The following NFIB variants were observed in gnomAD, a reference collection of about 807,000 sequenced individuals.
NFIB encodes nuclear factor I B.
NFIB carries 11 observed loss-of-function variants against 61.5 expected under a neutral mutation model. That is an observed-to-expected ratio of 0.18 (90% CI 0.11 to 0.30). The LOEUF is 0.30. NFIB is among the 10% of genes least tolerant of loss of function. The pLI is 1.00. For missense variants in NFIB, 471 were observed against 608.9 expected (o/e 0.77, Z 2.38); for synonymous variants, 260 against 216.5 (o/e 1.20, Z -1.76).
At chr9:14,338,864 C>G (rs2060916433) in intron 1 of NFIB, among the ~76,000 whole-genome samples, 1 of 151,492 alleles carries the variant, frequency 6.6e-6, no homozygotes, top group African/African-American at 2.4e-5. Flanking sequence ...CCCCTTGGAT[C>G]CCCCTCCCTT....
chr9:14,501,850 G>A, the NFIB span, among the ~76,000 whole-genome samples: 1 of 152,190 alleles, frequency 6.6e-6, no homozygotes, highest in Non-Finnish European at 1.5e-5. Context: ...GGAGTTGGAG[G>A]CTCCTGGGTG....
rs994201865 is a variant in NFIB at position 14,343,886 on chromosome 9, T to C, written c.109-36366A>G. 3.3e-5 allele frequency among the ~76,000 whole-genome samples: 5 copies of C among 151,808 alleles called. No homozygotes were observed. The South Asian group carries it at 8.3e-4, about 25-fold the overall frequency. Reference sequence around the variant, plus strand: ...TAGAAAGAGAGCAAAGAACTGAACATGAAGAATGGTTAAAAACTGAAGTGC... The same window carrying C: ...TAGAAAGAGAGCAAAGAACTGAACACGAAGAATGGTTAAAAACTGAAGTGC... On this transcript the variant is annotated intron_variant, in intron 1 of 8. Coordinates refer to the NFIB transcript ENST00000380934.
At chr9:14,485,037 C>T in the NFIB span, among the ~76,000 whole-genome samples, 2 of 152,088 alleles carry the variant, frequency 1.3e-5, no homozygotes, top group African/African-American at 4.8e-5. Flanking sequence ...TGATTGATTC[C>T]TTCCTCTTAT....
chr9:14,445,633 A>G, the NFIB span, among the ~76,000 whole-genome samples: 7 of 152,114 alleles, frequency 4.6e-5, no homozygotes, highest in Admixed American at 3.9e-4. Flanking sequence ...ACAAGTTTTA[A>G]TTTTCAAATA....
At chr9:14,418,590 G>A in the NFIB span, among the ~76,000 whole-genome samples, 2 of 152,180 alleles carry the variant, frequency 1.3e-5, no homozygotes, top group African/African-American at 2.4e-5. Flanking sequence ...CAGAGTCTGC[G>A]TGTGAGCCCT....
chr9:14,255,886 C>A (rs1587959304), intron 2 of NFIB, among the ~76,000 whole-genome samples: 2 of 152,214 alleles, frequency 1.3e-5, no homozygotes, highest in East Asian at 3.8e-4. Flanking sequence ...AATCCACACA[C>A]TATGCTAGCA....
chr9:14,461,444 A>G, the NFIB span, among the ~76,000 whole-genome samples: 1 of 152,212 alleles, frequency 6.6e-6, no homozygotes, highest in Non-Finnish European at 1.5e-5. Flanking sequence ...CTCTCTGCCA[A>G]GCCTCATCTT....
intron 7 of NFIB, among the ~76,000 whole-genome samples, chr9:14,122,101 GA>G (rs398040365): frequency 4.6e-5 from 3 of 65,496 alleles, no homozygotes; most frequent in South Asian, 6.2e-4. Flanking sequence ...TAAAGAATAT[GA>G]AAAAAAATAA....
intron 2 of NFIB, among the ~76,000 whole-genome samples, chr9:14,182,312 A>G (rs2046870556): frequency 6.6e-6 from 1 of 152,214 alleles, no homozygotes; most frequent in Non-Finnish European, 1.5e-5. Flanking sequence ...AGACTCCTTC[A>G]TATGCCAAAG....
At chr9:14,407,373 T>C in the NFIB span, among the ~76,000 whole-genome samples, 1 of 152,178 alleles carries the variant, frequency 6.6e-6, no homozygotes, top group East Asian at 1.9e-4. Flanking sequence ...GCCAGTTATT[T>C]AGCATTGTCT....
chr9:14,129,655 G>C (rs981539432), intron 6 of NFIB, among the ~76,000 whole-genome samples: 1 of 151,988 alleles, frequency 6.6e-6, no homozygotes, highest in Non-Finnish European at 1.5e-5. Context: ...TGAATATATA[G>C]AAAAGATACT....
chr9:14,257,560 G>A (rs1182852538), intron 2 of NFIB, among the ~76,000 whole-genome samples: 1 of 152,150 alleles, frequency 6.6e-6, no homozygotes, highest in Non-Finnish European at 1.5e-5. Context: ...TTTGAGACCA[G>A]CCTGGCCAAC....
chr9:14,494,278 C>T, the NFIB span, among the ~76,000 whole-genome samples: 1 of 152,174 alleles, frequency 6.6e-6, no homozygotes, highest in Non-Finnish European at 1.5e-5. Flanking sequence ...CAATCTTATA[C>T]TTGATTCAAC....
At chr9:14,197,035 C>T (rs1458049503) in intron 2 of NFIB, among the ~76,000 whole-genome samples, 1 of 152,186 alleles carries the variant, frequency 6.6e-6, no homozygotes, top group Non-Finnish European at 1.5e-5. Context: ...CTCTTTCTTA[C>T]CTTCCATTTG....
chr9:14,117,436 T>C (rs2038305343), intron 8 of NFIB, among the ~76,000 whole-genome samples: 1 of 152,150 alleles, frequency 6.6e-6, no homozygotes, highest in Non-Finnish European at 1.5e-5. Flanking sequence ...CATCGCAATT[T>C]GCTGGGAGGC....
rs200643836 is a variant in NFIB at position 14,120,411 on chromosome 9, G to A, written c.1245+29C>T. The A allele has an allele frequency of 8.7e-5, 140 of 1,607,320 alleles. No homozygotes were observed. In the East Asian group the frequency reaches 3.1e-3, roughly 35 times the overall value. On this transcript the variant is annotated intron_variant, in intron 8 of 10. Coordinates refer to ENST00000380953, the MANE Select transcript of NFIB (RefSeq NM_001190737.2). The surrounding 1 kb of genome is among the most constrained non-coding windows in gnomAD (Gnocchi z 4.4). ...TAGATCTGTCCCATCTCCCTTAGGT[G>A]CTAATCTTATTTTCTCTCTTATTTT...
At chr9:14,326,287 C>A (rs182385120) in intron 1 of NFIB, among the ~76,000 whole-genome samples, 1 of 152,308 alleles carries the variant, frequency 6.6e-6, no homozygotes, top group Admixed American at 6.5e-5. Flanking sequence ...ACCATTCCTA[C>A]AAGACATAGT....
intron 10 of NFIB, among the ~76,000 whole-genome samples, chr9:14,105,653 C>G (rs1321671523): frequency 6.6e-6 from 1 of 152,064 alleles, no homozygotes; most frequent in Non-Finnish European, 1.5e-5. Context: ...ATAGAAATCA[C>G]TTATTCACCA....
chr9:14,360,947 A>T (rs1248293735), intron 1 of NFIB, among the ~76,000 whole-genome samples: 2 of 152,158 alleles, frequency 1.3e-5, no homozygotes, highest in African/African-American at 4.8e-5. Flanking sequence ...CTTTTCTGAA[A>T]GGAACATGTC....
Sources: allele counts gnomAD v4.1 joint callset (sites outside exome capture counted in the v4.1 genomes callset), GRCh38; gene constraint gnomAD v4.1.1; non-coding constraint Gnocchi (gnomAD v3.1); transcripts MANE v1.5; gene names NCBI Gene and HGNC (gene_info 2026-07-23, HGNC 2026-07-21).